Variants in EPHA3 observed in about 807,000 individuals in gnomAD.
EPHA3 encodes ephrin type-A receptor 3.
Under a neutral mutation model 107.1 loss-of-function variants are expected in EPHA3, and 42 were observed. That is an observed-to-expected ratio of 0.39 (90% CI 0.31 to 0.51). The LOEUF is 0.51. Ranked by LOEUF, EPHA3 falls within the 20% of genes least tolerant of loss-of-function variation. The pLI, the probability that EPHA3 is intolerant of heterozygous loss-of-function variation, is 0.78. For synonymous variants in EPHA3, 461 were observed against 424.8 expected, an observed-to-expected ratio of 1.09 and a Z score of -1.05; for missense variants, 1,183 against 1,211.2, an observed-to-expected ratio of 0.98 and a Z score of 0.35.
chr3:89,291,222 T>C (rs116739832), intron 3 of EPHA3, among the ~76,000 whole-genome samples: 1 of 152,196 alleles, frequency 6.6e-6, no homozygotes, highest in East Asian at 1.9e-4. Context: ...TGGTCTAGTT[T>C]ATCTTTGGAG....
chr3:89,342,896 A>ACACACACAC (rs1559654817), intron 5 of EPHA3, among the ~76,000 whole-genome samples: 23 of 130,630 alleles, frequency 1.8e-4, no homozygotes, highest in African/African-American at 7.3e-4. Context: ...CACACACACA[A>ACACACACAC]ACATTGGAGC....
chr3:89,427,634 G>A (rs1439200567), intron 11 of EPHA3, among the ~76,000 whole-genome samples: 1 of 151,874 alleles, frequency 6.6e-6, no homozygotes, highest in Non-Finnish European at 1.5e-5. Flanking sequence ...TTACAGTGTG[G>A]TAATATGTAT....
intron 11 of EPHA3, among the ~76,000 whole-genome samples, chr3:89,423,974 C>T (rs918429330): frequency 2.6e-5 from 4 of 151,336 alleles, no homozygotes; most frequent in Admixed American, 2.6e-4. Context: ...TGATGAAGCA[C>T]TAGTTTAGTA....
In EPHA3 at chr3:89,300,000, T is replaced by C. The variant is rs182882793; in HGVS notation, c.815-40916T>C. On this transcript the variant is annotated intron_variant, in intron 3 of 16. Transcript: ENST00000336596. ...TAATATTATTTTATTTTATTTATCA[T>C]GATTTGGCCACTAAGCCAAATAAAC... 3.3e-5 allele frequency among the ~76,000 whole-genome samples: 5 copies of C among 152,122 alleles called. No homozygotes were observed. In the South Asian group the frequency reaches 1.0e-3, roughly 31 times the overall value.
chr3:89,458,809 G>T (rs527405123), intron 15 of EPHA3, among the ~76,000 whole-genome samples: 71 of 152,240 alleles, frequency 4.7e-4, no homozygotes, highest in Admixed American at 3.7e-3. Flanking sequence ...ACTGAATAAA[G>T]AAAACGTAGC....
chr3:89,262,413 G>A (rs1705437433), intron 3 of EPHA3, among the ~76,000 whole-genome samples: 1 of 152,122 alleles, frequency 6.6e-6, no homozygotes, highest in East Asian at 1.9e-4. Flanking sequence ...TTCAGACAGT[G>A]GCTGGAAATC....
At chr3:89,303,258 C>A (rs1233835374) in intron 3 of EPHA3, among the ~76,000 whole-genome samples, 5 of 151,868 alleles carry the variant, frequency 3.3e-5, no homozygotes, top group African/African-American at 1.2e-4. Context: ...ATGGTATTTG[C>A]CCTCCATACT....
At chr3:89,267,750 C>A (rs1705572180) in intron 3 of EPHA3, among the ~76,000 whole-genome samples, 1 of 151,644 alleles carries the variant, frequency 6.6e-6, no homozygotes, top group East Asian at 1.9e-4. Context: ...CTTTTTTAAT[C>A]AAAAATTTTA....
chr3:89,181,413 T>A (rs1191280650), intron 2 of EPHA3, among the ~76,000 whole-genome samples: 1 of 151,928 alleles, frequency 6.6e-6, no homozygotes, highest in Non-Finnish European at 1.5e-5. Flanking sequence ...ATAGCTCAGT[T>A]TTGTACACTG....
intron 15 of EPHA3, among the ~76,000 whole-genome samples, chr3:89,461,032 T>G (rs1168864242): frequency 8.7e-6 from 1 of 115,346 alleles, no homozygotes; most frequent in Non-Finnish European, 1.8e-5. Context: ...TGTGTCCATG[T>G]GATCTCATTG....
At chr3:89,114,315 A>AGC (rs1233748013) in intron 1 of EPHA3, among the ~76,000 whole-genome samples, 1 of 152,186 alleles carries the variant, frequency 6.6e-6, no homozygotes, top group African/African-American at 2.4e-5. Flanking sequence ...CAGGGAGATG[A>AGC]GCAAGTGTTC....
intron 2 of EPHA3, among the ~76,000 whole-genome samples, chr3:89,166,302 T>C (rs1705063381): frequency 1.3e-5 from 2 of 152,218 alleles, no homozygotes; most frequent in African/African-American, 4.8e-5. Flanking sequence ...CACTAAATTA[T>C]GAGGTTTCTG....
At chr3:89,140,913 C>T (rs1335785607) in intron 2 of EPHA3, among the ~76,000 whole-genome samples, 1 of 151,630 alleles carries the variant, frequency 6.6e-6, no homozygotes, top group Admixed American at 6.6e-5. Flanking sequence ...AATACAATAG[C>T]TAATATTTCT....
At chr3:89,190,652 A>G (rs905286481) in intron 2 of EPHA3, among the ~76,000 whole-genome samples, 5 of 152,162 alleles carry the variant, frequency 3.3e-5, no homozygotes, top group African/African-American at 1.2e-4. Context: ...TTTTATAAAT[A>G]TAACATTTGA....
At chr3:89,352,610 G>C (rs1707852566) in intron 5 of EPHA3, among the ~76,000 whole-genome samples, 1 of 150,874 alleles carries the variant, frequency 6.6e-6, no homozygotes, top group Non-Finnish European at 1.5e-5. Context: ...ACTAAATTTA[G>C]AATCCACACT....
At chr3:89,266,431 TTC>T (rs1299692673) in intron 3 of EPHA3, among the ~76,000 whole-genome samples, 1 of 152,130 alleles carries the variant, frequency 6.6e-6, no homozygotes, top group Non-Finnish European at 1.5e-5. Flanking sequence ...CTTTAAAGAG[TTC>T]TGTTTCACAT....
chr3:89,141,978 G>C (rs1340721470), intron 2 of EPHA3, among the ~76,000 whole-genome samples: 1 of 151,284 alleles, frequency 6.6e-6, no homozygotes, highest in Non-Finnish European at 1.5e-5. Context: ...TGTACTTCTA[G>C]AGTTTTAGCA....
chr3:89,196,914 T>G (rs1705849343), intron 2 of EPHA3, among the ~76,000 whole-genome samples: 1 of 152,112 alleles, frequency 6.6e-6, no homozygotes, highest in East Asian at 1.9e-4. Flanking sequence ...TTTCTTCCTA[T>G]TTCCACCAAT....
At chr3:89,117,502 G>A (rs1707284730) in intron 1 of EPHA3, among the ~76,000 whole-genome samples, 1 of 151,956 alleles carries the variant, frequency 6.6e-6, no homozygotes, top group African/African-American at 2.4e-5. Flanking sequence ...GGGAAAGTCT[G>A]GGAAGCTAAT....
Sources: allele counts gnomAD v4.1 joint callset (sites outside exome capture counted in the v4.1 genomes callset), GRCh38; gene constraint gnomAD v4.1.1; transcripts MANE v1.5; gene names NCBI Gene and HGNC (gene_info 2026-07-23, HGNC 2026-07-21).